Variants in CACNA1A observed in about 807,000 individuals in gnomAD.
CACNA1A encodes calcium voltage-gated channel subunit alpha1 A.
In CACNA1A, 57 loss-of-function variants were observed where a neutral mutation model predicts 262.4. That is an observed-to-expected ratio of 0.22 (90% CI 0.18 to 0.27). CACNA1A has a LOEUF of 0.27. Among genes scored for constraint, CACNA1A ranks in the 10% least tolerant of loss-of-function variants. The probability of loss-of-function intolerance (pLI) is 1.00; values close to 1 mark genes in which losing one functional copy is unlikely to be tolerated. For synonymous variants in CACNA1A, 1,431 were observed against 1,419.3 expected (o/e 1.01, Z -0.18); for missense variants, 2,526 against 3,562.8 (o/e 0.71, Z 7.41).
chr19:13,292,584 G>A (rs988106978), intron 19 of CACNA1A, among the ~76,000 whole-genome samples: 1 of 151,944 alleles, frequency 6.6e-6, no homozygotes, highest in African/African-American at 2.4e-5. Flanking sequence ...ACTGTACTCC[G>A]GGGCCTGGAT....
intron 6 of CACNA1A, among the ~76,000 whole-genome samples, 167 bp from the exon 7 acceptor site, chr19:13,336,076 T>C (rs2058560590): frequency 6.6e-6 from 1 of 152,124 alleles, no homozygotes; most frequent in Non-Finnish European, 1.5e-5. Flanking sequence ...GGAGGAACGT[T>C]TTCTGAAGAA....
intron 20 of CACNA1A, among the ~76,000 whole-genome samples, chr19:13,285,770 C>CA (rs747187263): frequency 3.9e-5 from 6 of 152,140 alleles, no homozygotes; most frequent in Non-Finnish European, 7.4e-5. Context: ...CTTATGTGCC[C>CA]ACGGGCAGGC....
In CACNA1A at chr19:13,254,472, C is replaced by G. The variant is rs532194780; in HGVS notation, c.4755+623G>C. Among the ~76,000 whole-genome samples, 56 of 152,088 alleles carry G rather than the reference C, an allele frequency of 3.7e-4. 1 individual carries two copies. Among genetic ancestry groups the G allele is most frequent in the Admixed American group, 3.7e-3 (56 of 15,254 alleles). On this transcript the variant is annotated intron_variant, in intron 29 of 46. Coordinates refer to ENST00000360228, the MANE Select transcript of CACNA1A (RefSeq NM_001127222.2). ...CCGCCTCCCGGGTTCAAGCAATTCT[C>G]CTGCCTCAGCCTCCCGAGTAGCTGG...
At position 13,410,540 on chromosome 19, in the gene CACNA1A, CT is replaced by C. The variant is rs113290275; in HGVS notation, c.540-38762del. Among the ~76,000 whole-genome samples, 997 of 120,684 alleles carry C rather than the reference CT, an allele frequency of 8.3e-3. 1 individual carries two copies. The highest frequency in any genetic ancestry group is 0.011 in the African/African-American group (324 of 29,222). 79.2% of individuals were successfully genotyped at this position (120,684 alleles called of 152,430 possible). The stretch of plus-strand genomic sequence containing the variant: ...CTTTTTTTTTTCTTTATTCTTTTTT[CT>C]TTTTTTTTTTTTTTTTAAGGGAAAC... On this transcript the variant is annotated intron_variant, in intron 3 of 46. Coordinates refer to ENST00000360228, the MANE Select transcript of CACNA1A (RefSeq NM_001127222.2).
At chr19:13,494,056 GAAAT>G (rs1981214833) in intron 1 of CACNA1A, among the ~76,000 whole-genome samples, 1 of 152,214 alleles carries the variant, frequency 6.6e-6, no homozygotes, top group Non-Finnish European at 1.5e-5. Context: ...CTGGGGTACT[GAAAT>G]AGTAGACATA....
chr19:13,208,664 T>C (rs888197784), intron 46 of CACNA1A, 92 bp downstream of exon 46: 2 of 1,414,978 alleles, frequency 1.4e-6, no homozygotes, highest in Non-Finnish European at 9.3e-7. Context: ...CCGGGGACCT[T>C]TGCCTAGAGT....
rs374130971 is a variant in CACNA1A at position 13,301,163 on chromosome 19, C to T, written c.2173-507G>A. Among the ~76,000 whole-genome samples the T allele has an allele frequency of 4.2e-4, 63 of 151,540 alleles. No individual in the cohort carries two copies. In the South Asian group the frequency reaches 0.013, roughly 31 times the overall value. On this transcript the variant is annotated intron_variant, in intron 17 of 46. Coordinates refer to ENST00000360228, the MANE Select transcript of CACNA1A (RefSeq NM_001127222.2). ...TAGAGACAGGGTCTCACTATGTTGC[C>T]CAGGCTGGTCTTGAACTTCTGGCCT...
intron 24 of CACNA1A, chr19:13,271,212 C>CTGTTTTTTT (rs1568481318): frequency 4.1e-5 from 4 of 96,980 alleles, no homozygotes; most frequent in African/African-American, 1.6e-4. Flanking sequence ...AATCATTCTG[C>CTGTTTTTTT]TGTTTTTTTT....
At chr19:13,436,514 C>T (rs931059856) in intron 3 of CACNA1A, among the ~76,000 whole-genome samples, 1 of 152,186 alleles carries the variant, frequency 6.6e-6, no homozygotes, top group African/African-American at 2.4e-5. Context: ...CATTAATTCA[C>T]TCATTCATTC....
chr19:13,453,030 A>C lies in CACNA1A; in HGVS notation c.400-15T>G, dbSNP rs2060943563. Reference sequence around the variant, plus strand: ...TCTGTGTCATCCTGGAAGGGAGAGAAGGCAAGGTCAGCGTCTTGGGCTGGG... The same window carrying C: ...TCTGTGTCATCCTGGAAGGGAGAGACGGCAAGGTCAGCGTCTTGGGCTGGG... On this transcript the variant is annotated splice_polypyrimidine_tract_variant and intron_variant, in intron 2 of 46. Transcript: ENST00000360228. 3 of 1,613,844 alleles carry C rather than the reference A, an allele frequency of 1.9e-6. No homozygotes were observed. The Admixed American group carries it at 5.0e-5, about 27-fold the overall frequency.
chr19:13,213,928 C>T, intron 40 of CACNA1A: 1 of 317,562 alleles, frequency 3.1e-6, no homozygotes, highest in Non-Finnish European at 6.0e-6. Flanking sequence ...TCAAGTGATC[C>T]TCCCATCTTG....
At chr19:13,424,432 T>C (rs1034514252) in intron 3 of CACNA1A, among the ~76,000 whole-genome samples, 1 of 152,102 alleles carries the variant, frequency 6.6e-6, no homozygotes, top group Non-Finnish European at 1.5e-5. Flanking sequence ...GGATGTTCTA[T>C]TACTTATTTA....
chr19:13,397,770 G>A (rs2059834113), intron 3 of CACNA1A, among the ~76,000 whole-genome samples: 1 of 152,334 alleles, frequency 6.6e-6, no homozygotes, highest in Admixed American at 6.5e-5. Context: ...GTAGATGGAA[G>A]TCATATGGAC....
intron 27 of CACNA1A, 61 bp from the exon 28 acceptor site, chr19:13,257,612 G>T: frequency 2.7e-6 from 3 of 1,107,324 alleles, no homozygotes; most frequent in East Asian, 5.2e-5. Context: ...GGACCCAAGG[G>T]GTGATGAGGA....
At chr19:13,257,225 G>T in intron 28 of CACNA1A, 125 bp downstream of exon 28, 1 of 715,156 alleles carries the variant, frequency 1.4e-6, no homozygotes, top group Non-Finnish European at 2.3e-6. Flanking sequence ...ACTGGATTCG[G>T]TTGGGACAAT....
chr19:13,297,684 G>A (rs1490939592), intron 19 of CACNA1A, among the ~76,000 whole-genome samples: 1 of 152,126 alleles, frequency 6.6e-6, no homozygotes, highest in Admixed American at 6.6e-5. Context: ...CAGGCATGTG[G>A]CACATGTCTG....
At chr19:13,392,662 TTTCC>T (rs530019989) in intron 3 of CACNA1A, among the ~76,000 whole-genome samples, 8 of 152,034 alleles carry the variant, frequency 5.3e-5, no homozygotes, top group Admixed American at 1.3e-4. Context: ...GGCAGTTTCT[TTTCC>T]TTCCTTCCTT....
chr19:13,246,292 C>T (rs1361358288), intron 30 of CACNA1A, among the ~76,000 whole-genome samples: 1 of 152,154 alleles, frequency 6.6e-6, no homozygotes, highest in East Asian at 1.9e-4. Flanking sequence ...TCCTGGTCCC[C>T]TTGTGTTTAG....
chr19:13,279,326 C>A (rs2057228531), intron 22 of CACNA1A, among the ~76,000 whole-genome samples: 1 of 152,064 alleles, frequency 6.6e-6, no homozygotes, highest in African/African-American at 2.4e-5. Context: ...TGCTTGATCT[C>A]ATTCATTACA....
Sources: gnomAD v4.1 joint callset for allele counts (sites outside exome capture counted in the v4.1 genomes callset) on GRCh38, gnomAD v4.1.1 for gene constraint, MANE v1.5 for transcripts, NCBI Gene and HGNC (gene_info 2026-07-23, HGNC 2026-07-21) for gene names.